Variants in OLFML3 observed in about 807,000 individuals in gnomAD.
The protein encoded by OLFML3 is olfactomedin like 3, also known as olfactomedin-like protein 3.
In OLFML3, 26 loss-of-function variants were observed where a neutral mutation model predicts 36.0. The ratio of observed to expected loss-of-function variants is 0.72; its 90% CI spans 0.53 to 1.00. The LOEUF is 1.00. Ranked by LOEUF, OLFML3 falls within the 50% of genes least tolerant of loss-of-function variation. OLFML3 has a pLI of 0.00. For synonymous variants in OLFML3, 184 were observed against 201.2 expected, an observed-to-expected ratio of 0.91 and a Z score of 0.72; for missense variants, 503 against 519.4, an observed-to-expected ratio of 0.97 and a Z score of 0.31.
In OLFML3 at chr1:113,981,887, T is replaced by A; in HGVS notation, c.*118T>A. ...CCAGTTGTGGCTCAAATCCTCTATA[T>A]TTTTAGCCAATGGCAATCAAATTCT... On this transcript the variant is annotated 3_prime_UTR_variant, in exon 3 of 3. Coordinates refer to ENST00000320334, the MANE Select transcript of OLFML3 (RefSeq NM_020190.5). 1.1e-6 allele frequency: 1 copy of A among 899,122 alleles called. No individual in the cohort carries two copies. Among genetic ancestry groups the A allele is most frequent in the Non-Finnish European group, 1.7e-6 (1 of 593,226 alleles). The allele number at this position is 899,122 out of a possible 1,614,324, so 55.7% of individuals were successfully genotyped here. A position where few individuals can be genotyped will look rare whatever the true frequency, so the allele number is the denominator to read the frequency against.
chr1:113,981,632 C>T lies in OLFML3; in HGVS notation c.1084C>T (p.Leu362Phe), dbSNP rs756506450. Residue 362 changes from leucine to phenylalanine, a missense_variant, in exon 3 of 3, where the codon CTC (leucine) becomes TTC (phenylalanine). By Grantham distance (22) the Leu-to-Phe change is conservative. Transcript: ENST00000320334. ...SGTLTPERAA[L>F]PYFPRRYGAH... ...CACCCTGACCCCTGAACGGGCAGCA[C>T]TCCCTTATTTTCCCCGCAGATATGG... 1 of 1,613,940 alleles carries T rather than the reference C, an allele frequency of 6.2e-7. No individual in the cohort carries two copies. Among genetic ancestry groups the T allele is most frequent in the Non-Finnish European group, 8.5e-7 (1 of 1,180,004 alleles).
At chr1:113,980,832 T>G in intron 2 of OLFML3, 117 bp from the exon 3 acceptor site, 2 of 1,068,886 alleles carry the variant, frequency 1.9e-6, no homozygotes, top group Admixed American at 3.2e-5. Flanking sequence ...TCCCTAAGAT[T>G]GGAGGCAACC....
intron 1 of OLFML3, 80 bp from the exon 2 acceptor site, chr1:113,980,252 T>C (rs1318380526): frequency 6.6e-7 from 1 of 1,524,956 alleles, no homozygotes; most frequent in Non-Finnish European, 8.8e-7. Context: ...TTTTTTCCCA[T>C]TCCTGACTCC....
chr1:113,981,134 C>G lies in OLFML3; in HGVS notation c.586C>G (p.Arg196Gly), dbSNP rs182238458. The change falls in exon 3 of 3, where the codon CGG becomes GGG. Residue 196 changes from arginine to glycine, a missense_variant. Arg to Gly is a moderately radical substitution (Grantham distance 125). Coordinates refer to ENST00000320334, the MANE Select transcript of OLFML3 (RefSeq NM_020190.5). The stretch of plus-strand genomic sequence containing the variant: ...TGACTTCACCCTTGCCATGGCTGCC[C>G]GGAAAGCTTCCCGAGTCCGGGTGCC... The part of the protein sequence containing the change: ...LRDFTLAMAA[R>G]KASRVRVPFP... The G allele has an allele frequency of 1.8e-5, 29 of 1,614,048 alleles. No homozygotes were observed. In the Admixed American group the frequency reaches 4.8e-4, roughly 27 times the overall value.
intron 1 of OLFML3, chr1:113,980,041 C>A: frequency 6.5e-7 from 1 of 1,537,228 alleles, no homozygotes; most frequent in Non-Finnish European, 8.8e-7. Flanking sequence ...CTCTTCACAC[C>A]TTCATGCGCT....
Position 113,981,906 on chromosome 1 carries a change from A to G in OLFML3, c.*137A>G, listed in dbSNP as rs1673429328. The G allele has an allele frequency of 1.3e-6, 1 of 745,052 alleles. No individual in the cohort carries two copies. The highest frequency in any genetic ancestry group is 1.8e-5 in the South Asian group (1 of 54,132). 46.2% of individuals were successfully genotyped at this position (745,052 alleles called of 1,614,324 possible). A position where few individuals can be genotyped will look rare whatever the true frequency, so the allele number is the denominator to read the frequency against. On this transcript the variant is annotated 3_prime_UTR_variant, in exon 3 of 3. Coordinates refer to ENST00000320334, the MANE Select transcript of OLFML3 (RefSeq NM_020190.5). ...TCTATATTTTTAGCCAATGGCAATC[A>G]AATTCTTTCAGCTCCTTTGTTTCAT...
chr1:113,981,473 G>C lies in OLFML3; in HGVS notation c.925G>C (p.Glu309Gln). 1 of 1,614,020 alleles carries C rather than the reference G, an allele frequency of 6.2e-7. No individual in the cohort carries two copies. Among genetic ancestry groups the C allele is most frequent in the Non-Finnish European group, 8.5e-7 (1 of 1,179,980 alleles). Reference protein sequence around the residue: ...AKLDPQTLDTEQQWDTPCPRE... With the variant: ...AKLDPQTLDTQQQWDTPCPRE... ...GTTAGATCCACAGACACTGGACACA[G>C]AGCAGCAGTGGGACACACCATGTCC... The change falls in exon 3 of 3, where the codon GAG becomes CAG. Residue 309 changes from glutamate to glutamine, a missense_variant. Physicochemically the swap from Glu to Gln is conservative, Grantham distance 29. Coordinates refer to ENST00000320334, the MANE Select transcript of OLFML3 (RefSeq NM_020190.5).
At chr1:113,979,654 GCCCC>G in intron 1 of OLFML3, 24 bp downstream of exon 1, 3 of 1,520,936 alleles carry the variant, frequency 2.0e-6, no homozygotes, top group Non-Finnish European at 2.7e-6. Context: ...TTCTCTTCTA[GCCCC>G]GCCTAGAAGG....
chr1:113,980,423 C>A lies in OLFML3; in HGVS notation c.206C>A (p.Ala69Glu). The change falls in exon 2 of 3, where the codon GCA (alanine) becomes GAA (glutamate). Residue 69 changes from alanine (A) to glutamate (E), a missense_variant. By Grantham distance (107) the Ala-to-Glu change is moderately radical. Transcript: ENST00000320334. ...KNKMLPLLEV[A>E]EKEREALRTE... ...AAGATGCTGCCACTGCTGGAGGTGG[C>A]AGAGAAGGAGCGGGAGGCACTCAGA... 6.2e-7 allele frequency: 1 copy of A among 1,612,660 alleles called. No homozygotes were observed. Among genetic ancestry groups the A allele is most frequent in the Non-Finnish European group, 8.5e-7 (1 of 1,179,294 alleles).
chr1:113,982,038 GC>G lies in OLFML3; in HGVS notation c.*273del. 2.1e-6 allele frequency: 1 copy of G among 466,552 alleles called. No homozygotes were observed. Among genetic ancestry groups the G allele is most frequent in the Non-Finnish European group, 3.9e-6 (1 of 255,518 alleles). 28.9% of individuals were successfully genotyped at this position (466,552 alleles called of 1,614,324 possible). ...TGTCAACAAATTTCAGGCTAAGGATGCCCCAGACCCAGGGCTCTAACCTTGT... is the reference window on the plus strand; with the variant it reads ...TGTCAACAAATTTCAGGCTAAGGATGCCCAGACCCAGGGCTCTAACCTTGT... On this transcript the variant is annotated 3_prime_UTR_variant, in exon 3 of 3. Transcript: ENST00000320334.
In OLFML3 at chr1:113,981,102, G is replaced by A; in HGVS notation, c.554G>A (p.Arg185Lys). 6.2e-7 allele frequency: 1 copy of A among 1,613,940 alleles called. No homozygotes were observed. Residue 185 changes from arginine to lysine, a missense_variant, in exon 3 of 3, where the codon AGG (arginine) becomes AAG (lysine). By Grantham distance (26) the Arg-to-Lys change is conservative (BLOSUM62 2). Transcript: ENST00000320334. ...TQNDTAFVFP[R>K]LRDFTLAMAA... ...AATGACACAGCCTTTGTCTTCCCAA[G>A]GCTGCGTGACTTCACCCTTGCCATG...
chr1:113,981,846 A>T lies in OLFML3; in HGVS notation c.*77A>T, dbSNP rs1673426336. 1 of 1,339,990 alleles carries T rather than the reference A, an allele frequency of 7.5e-7. No homozygotes were observed. Among genetic ancestry groups the T allele is most frequent in the Admixed American group, 2.1e-5 (1 of 48,476 alleles). The allele number at this position is 1,339,990 out of a possible 1,614,324, so 83.0% of individuals were successfully genotyped here. Reference sequence around the variant, plus strand: ...ATCCCCACTAAATTTCTTGTTCCTCATTCTTCAAATGTGGGCCAGTTGTGG... The same window carrying T: ...ATCCCCACTAAATTTCTTGTTCCTCTTTCTTCAAATGTGGGCCAGTTGTGG... On this transcript the variant is annotated 3_prime_UTR_variant, in exon 3 of 3. Transcript: ENST00000320334.
In OLFML3 at chr1:113,980,139, G is replaced by A. The variant is rs776320526; in HGVS notation, c.115-193G>A. ...ACATGGAGTCGGGGTAGGGGCCTAG[G>A]TGAATCTCAGCTAGGCTCTTTGCAC... On this transcript the variant is annotated intron_variant, in intron 1 of 2. Coordinates refer to ENST00000320334, the MANE Select transcript of OLFML3 (RefSeq NM_020190.5). 1.9e-6 allele frequency: 3 copies of A among 1,547,128 alleles called. No individual in the cohort carries two copies. The Admixed American group carries it at 6.0e-5, about 31-fold the overall frequency.
intron 1 of OLFML3, chr1:113,980,127 G>A (rs1457269735): frequency 1.0e-5 from 16 of 1,549,454 alleles, no homozygotes; most frequent in Non-Finnish European, 1.4e-5. Context: ...TGGAGTCGGG[G>A]TAGGGGCCTA....
intron 2 of OLFML3, 53 bp downstream of exon 2, chr1:113,980,670 T>C: frequency 3.3e-6 from 5 of 1,493,834 alleles, no homozygotes; most frequent in Non-Finnish European, 4.5e-6. Context: ...ATATTCTTCC[T>C]TCCTTGCTTC....
At chr1:113,980,179 C>T (rs1673357040) in intron 1 of OLFML3, 153 bp from the exon 2 acceptor site, 2 of 1,515,532 alleles carry the variant, frequency 1.3e-6, no homozygotes, top group African/African-American at 2.8e-5. Flanking sequence ...AGCACCTCTG[C>T]ACATCTGGTT....
At chr1:113,980,819 TTCTCCC>T (rs1673383860) in intron 2 of OLFML3, 124 bp from the exon 3 acceptor site, 1 of 1,024,400 alleles carries the variant, frequency 9.8e-7, no homozygotes, top group South Asian at 1.9e-5. Context: ...TCTTTCTCAA[TTCTCCC>T]TAAGATTGGA....
chr1:113,980,001 C>A, intron 1 of OLFML3: 1 of 1,476,912 alleles, frequency 6.8e-7, no homozygotes, highest in Non-Finnish European at 9.0e-7. Flanking sequence ...TTTTAGTGTC[C>A]GAGAGGATAA....
intron 1 of OLFML3, chr1:113,980,029 A>T (rs1438228639): frequency 1.3e-6 from 2 of 1,514,958 alleles, no homozygotes; most frequent in Admixed American, 2.3e-5. Flanking sequence ...GGGAGCAGAG[A>T]CCTCTTCACA....
Sources: allele counts gnomAD v4.1 joint callset, GRCh38; gene constraint gnomAD v4.1.1; transcripts MANE v1.5; gene names NCBI Gene and HGNC (gene_info 2026-07-23, HGNC 2026-07-21).